The following DAB1 variants were observed in gnomAD, a reference collection of about 807,000 sequenced individuals.
The protein encoded by DAB1 is DAB adaptor protein 1, also known as disabled homolog 1.
A neutral mutation model predicts 64.6 loss-of-function variants in DAB1; 15 were observed. That is an observed-to-expected ratio of 0.23 (90% confidence interval 0.16 to 0.36). DAB1 has a LOEUF of 0.36. DAB1 is among the 10% of genes least tolerant of loss of function. DAB1 has a pLI of 1.00. For missense variants in DAB1, 596 were observed against 706.7 expected (o/e 0.84, Z 1.78); for synonymous variants, 235 against 251.9 (o/e 0.93, Z 0.64).
At position 57,013,606 on chromosome 1, in the gene DAB1, G is replaced by T. The variant is rs138595225; in HGVS notation, c.1444+1277C>A. ...CTGGCTGAAATGGCACAATCTAATT[G>T]TATTAACATTAGGGGTGTTTTTTTT... is the stretch of plus-strand genomic sequence containing the variant. On this transcript the variant is annotated intron_variant, in intron 12 of 14. Coordinates refer to ENST00000371236, the MANE Select transcript of DAB1 (RefSeq NM_001365792.1). Among the ~76,000 whole-genome samples, 322 of 152,212 alleles carry T rather than the reference G, an allele frequency of 2.1e-3. 3 individuals carry two copies. The highest frequency in any genetic ancestry group is 7.6e-3 in the African/African-American group (314 of 41,540).
At chr1:57,676,611 GC>G (rs1309327007) in intron 6 of DAB1, among the ~76,000 whole-genome samples, 4 of 152,132 alleles carry the variant, frequency 2.6e-5, no homozygotes, top group African/African-American at 4.8e-5. Context: ...ATAACTATTG[GC>G]CCAAGGGAAA....
intron 6 of DAB1, among the ~76,000 whole-genome samples, chr1:57,729,203 G>A (rs921612879): frequency 4.6e-5 from 7 of 152,216 alleles, no homozygotes; most frequent in Admixed American, 2.0e-4. Context: ...CTGGTGTGGG[G>A]CAACGGTTCC....
chr1:58,383,421 T>C (rs1476185721), intron 3 of DAB1, among the ~76,000 whole-genome samples: 1 of 152,208 alleles, frequency 6.6e-6, no homozygotes, highest in Non-Finnish European at 1.5e-5. Flanking sequence ...ATTTTTAATA[T>C]ATCTTAGGCC....
At chr1:58,228,900 A>G (rs1367066970) in intron 4 of DAB1, 4 of 532,966 alleles carry the variant, frequency 7.5e-6, no homozygotes, top group Admixed American at 2.3e-5. Flanking sequence ...ACCTAACAAC[A>G]GCTGTAGTGT....
intron 3 of DAB1, among the ~76,000 whole-genome samples, chr1:58,373,630 C>T (rs928980235): frequency 7.2e-5 from 11 of 152,128 alleles, no homozygotes; most frequent in Non-Finnish European, 1.6e-4. Context: ...CCGCAATAAA[C>T]ATACGTCTTT....
intron 6 of DAB1, among the ~76,000 whole-genome samples, chr1:57,811,341 C>T (rs1651612052): frequency 6.6e-6 from 1 of 152,178 alleles, no homozygotes; most frequent in African/African-American, 2.4e-5. Flanking sequence ...TGGTGCTGTT[C>T]TTGTGATAGT....
rs191935173 is a variant in DAB1, at chr1:58,503,302, C to A, written n.257+2758G>T. 8.9e-4 allele frequency among the ~76,000 whole-genome samples: 136 copies of A among 152,246 alleles called. No homozygotes were observed. In the Middle Eastern group the frequency reaches 0.02, roughly 23 times the overall value. On this transcript the variant is annotated intron_variant and non_coding_transcript_variant, in intron 3 of 20. Transcript: ENST00000485760. ...AGGGGCCTTGGATAGCACAAAGGAC[C>A]CTCTTATAGTCAGTGATCCTCAGTA...
intron 1 of DAB1, among the ~76,000 whole-genome samples, chr1:57,309,582 A>G (rs138329554): frequency 2.6e-5 from 4 of 152,260 alleles, no homozygotes; most frequent in East Asian, 1.9e-4. Flanking sequence ...TCTAGGAAAC[A>G]TTTTCCTAGA....
chr1:57,573,642 A>G (rs1427063242), intron 7 of DAB1, among the ~76,000 whole-genome samples: 1 of 152,170 alleles, frequency 6.6e-6, no homozygotes, highest in Admixed American at 6.5e-5. Context: ...TCATTGTGGT[A>G]TAAATCCGTG....
chr1:58,038,267 G>A (rs1200266742), intron 5 of DAB1, among the ~76,000 whole-genome samples: 1 of 152,092 alleles, frequency 6.6e-6, no homozygotes, highest in Non-Finnish European at 1.5e-5. Context: ...ACACATTTTG[G>A]GTGGAAAGGA....
intron 2 of DAB1, among the ~76,000 whole-genome samples, chr1:57,243,481 G>A (rs1558010734): frequency 6.6e-6 from 1 of 152,012 alleles, no homozygotes; most frequent in African/African-American, 2.4e-5. Flanking sequence ...ATGCATGTGT[G>A]TGTGTATGCA....
At chr1:58,456,453 A>G (rs1049036869) in intron 3 of DAB1, among the ~76,000 whole-genome samples, 3 of 152,200 alleles carry the variant, frequency 2.0e-5, no homozygotes, top group Admixed American at 1.3e-4. Context: ...TGCATTAACT[A>G]TGGTCCGAAG....
At chr1:57,710,428 A>C (rs949442998) in intron 6 of DAB1, among the ~76,000 whole-genome samples, 5 of 152,230 alleles carry the variant, frequency 3.3e-5, no homozygotes, top group African/African-American at 9.6e-5. Flanking sequence ...CAAGATGTAC[A>C]AACTTCACTG....
At chr1:58,473,765 A>T (rs1569849234) in intron 3 of DAB1, 1 of 518,096 alleles carries the variant, frequency 1.9e-6, no homozygotes, top group East Asian at 6.9e-5. Flanking sequence ...TAATGACCCC[A>T]TCTCCAGAAC....
intron 4 of DAB1, among the ~76,000 whole-genome samples, chr1:57,107,397 A>T (rs1655269239): frequency 7.0e-6 from 1 of 143,458 alleles, no homozygotes; most frequent in Non-Finnish European, 1.5e-5. Flanking sequence ...AAAAAAAAAA[A>T]TCAACCCATC....
At chr1:57,848,300 C>T (rs1229842658) in intron 1 of DAB1, among the ~76,000 whole-genome samples, 1 of 152,226 alleles carries the variant, frequency 6.6e-6, no homozygotes, top group Non-Finnish European at 1.5e-5. Flanking sequence ...CAAGATAGCA[C>T]ACATGTGCAC....
At chr1:57,509,636 A>G (rs1417254064) in intron 7 of DAB1, among the ~76,000 whole-genome samples, 2 of 151,976 alleles carry the variant, frequency 1.3e-5, no homozygotes, top group East Asian at 3.9e-4. Flanking sequence ...TTTCTGCACC[A>G]ATTCTATAAA....
chr1:58,457,985 C>T (rs1424324219), intron 3 of DAB1, among the ~76,000 whole-genome samples: 1 of 152,194 alleles, frequency 6.6e-6, no homozygotes, highest in Non-Finnish European at 1.5e-5. Flanking sequence ...ATTCATTCAA[C>T]AATTAGTTAC....
intron 7 of DAB1, among the ~76,000 whole-genome samples, chr1:57,468,627 C>A (rs1558408865): frequency 6.6e-6 from 1 of 151,916 alleles, no homozygotes; most frequent in African/African-American, 2.4e-5. Context: ...ATGGGTGTGA[C>A]ATGTGTGTTT....
Sources: allele counts gnomAD v4.1 joint callset (sites outside exome capture counted in the v4.1 genomes callset), GRCh38; gene constraint gnomAD v4.1.1; transcripts MANE v1.5; gene names NCBI Gene and HGNC (gene_info 2026-07-23, HGNC 2026-07-21).